The following UBAC2 variants were observed in gnomAD, a reference collection of about 807,000 sequenced individuals.
The protein encoded by UBAC2 is UBA domain containing 2.
In UBAC2, 26 loss-of-function variants were observed where a neutral mutation model predicts 44.0. That is an observed-to-expected ratio of 0.59 (90% CI 0.43 to 0.82). The LOEUF is 0.82. UBAC2 is among the 40% of genes least tolerant of loss of function. The pLI, the probability that UBAC2 is intolerant of heterozygous loss-of-function variation, is 0.00. For missense variants in UBAC2, 329 were observed against 419.4 expected (o/e 0.78, Z 1.88); for synonymous variants, 155 against 154.3 (o/e 1.00, Z -0.04).
At chr13:99,223,924 C>T (rs767997247) in intron 1 of UBAC2, among the ~76,000 whole-genome samples, 29 of 152,052 alleles carry the variant, frequency 1.9e-4, no homozygotes, top group Admixed American at 5.2e-4. Context: ...TTGGTGAATG[C>T]TCCATATGCA....
intron 4 of UBAC2, among the ~76,000 whole-genome samples, chr13:99,259,419 GT>G (rs2043623602): frequency 6.6e-6 from 1 of 151,082 alleles, no homozygotes; most frequent in East Asian, 1.9e-4. Flanking sequence ...CTTGCCTTTG[GT>G]GATAAAATAC....
chr13:99,267,799 AT>A, intron 4 of UBAC2, among the ~76,000 whole-genome samples: 1 of 152,342 alleles, frequency 6.6e-6, no homozygotes, highest in East Asian at 1.9e-4. Context: ...AGATTTGCAA[AT>A]TACAAAAACT....
intron 7 of UBAC2, among the ~76,000 whole-genome samples, chr13:99,341,346 G>A (rs2138833130): frequency 6.7e-6 from 1 of 149,994 alleles, no homozygotes; most frequent in South Asian, 2.1e-4. Context: ...ATCTCACGAT[G>A]GTTTGGAGAA....
intron 6 of UBAC2, among the ~76,000 whole-genome samples, chr13:99,335,559 TTTG>T (rs2044776408): frequency 6.6e-6 from 1 of 152,204 alleles, no homozygotes; most frequent in South Asian, 2.1e-4. Context: ...AGACTATTAT[TTTG>T]TTGTCTGAAA....
Position 99,339,471 on chromosome 13 carries a change from A to G in UBAC2, c.562-849A>G, listed in dbSNP as rs61970339. 5.9e-5 allele frequency among the ~76,000 whole-genome samples: 9 copies of G among 152,328 alleles called. No individual in the cohort carries two copies. In the East Asian group the frequency reaches 1.7e-3, roughly 29 times the overall value. Reference sequence around the variant, plus strand: ...CTTATCTTGTTCTTTGCTGTATTCTAAGTTCCCAGAACAGTGCCTGGTGTG... The same window carrying G: ...CTTATCTTGTTCTTTGCTGTATTCTGAGTTCCCAGAACAGTGCCTGGTGTG... On this transcript the variant is annotated intron_variant, in intron 6 of 8. Coordinates refer to ENST00000403766, the MANE Select transcript of UBAC2 (RefSeq NM_001144072.2).
At chr13:99,300,866 T>C (rs1029525535) in intron 4 of UBAC2, among the ~76,000 whole-genome samples, 1 of 152,230 alleles carries the variant, frequency 6.6e-6, no homozygotes, top group African/African-American at 2.4e-5. Context: ...AGTGTCAATA[T>C]TTGGATAGTA....
chr13:99,367,134 C>T (rs1218262389), intron 7 of UBAC2, among the ~76,000 whole-genome samples: 1 of 152,150 alleles, frequency 6.6e-6, no homozygotes, highest in Admixed American at 6.5e-5. Flanking sequence ...AACGGCATTG[C>T]TGTCAGTCTT....
chr13:99,254,507 TA>T (rs2043504818), intron 4 of UBAC2, among the ~76,000 whole-genome samples: 4 of 152,202 alleles, frequency 2.6e-5, no homozygotes. Flanking sequence ...GTATTGGATT[TA>T]TAATTCCATT....
chr13:99,382,620 T>C (rs968028748), intron 8 of UBAC2, among the ~76,000 whole-genome samples: 3 of 152,134 alleles, frequency 2.0e-5, no homozygotes, highest in African/African-American at 4.8e-5. Flanking sequence ...TGAAAGGAAC[T>C]GGATCCTGAA....
intron 1 of UBAC2, among the ~76,000 whole-genome samples, chr13:99,230,515 T>C (rs987368145): frequency 2.6e-5 from 4 of 152,046 alleles, no homozygotes; most frequent in Non-Finnish European, 5.9e-5. Flanking sequence ...TATCCTACAG[T>C]TTGGAGGCCA....
chr13:99,240,306 A>G (rs1433257988), intron 2 of UBAC2, among the ~76,000 whole-genome samples: 6 of 152,194 alleles, frequency 3.9e-5, no homozygotes, highest in East Asian at 1.9e-4. Flanking sequence ...CAGCTCTCAT[A>G]GTTTTGTGTC....
chr13:99,289,119 A>G (rs1426147952), intron 4 of UBAC2, among the ~76,000 whole-genome samples: 1 of 152,280 alleles, frequency 6.6e-6, no homozygotes, highest in Non-Finnish European at 1.5e-5. Context: ...ACAAAGTGGG[A>G]TGGAGCTGGG....
intron 7 of UBAC2, among the ~76,000 whole-genome samples, chr13:99,362,766 C>T (rs2045282645): frequency 1.3e-5 from 2 of 152,106 alleles, no homozygotes; most frequent in Non-Finnish European, 2.9e-5. Context: ...TATTAAGTCT[C>T]ATTGATTTGT....
chr13:99,362,037 G>A (rs1395732493), intron 7 of UBAC2, among the ~76,000 whole-genome samples: 4 of 152,056 alleles, frequency 2.6e-5, no homozygotes, highest in Admixed American at 1.3e-4. Flanking sequence ...ATATATACTC[G>A]TGTTCTGAGT....
At chr13:99,283,409 T>C (rs1253145700) in intron 4 of UBAC2, among the ~76,000 whole-genome samples, 1 of 151,380 alleles carries the variant, frequency 6.6e-6, no homozygotes, top group Non-Finnish European at 1.5e-5. Flanking sequence ...CATTTGGAGA[T>C]TTTTTTTTGA....
chr13:99,341,946 C>T (rs917421271), intron 7 of UBAC2, among the ~76,000 whole-genome samples: 1 of 152,128 alleles, frequency 6.6e-6, no homozygotes, highest in African/African-American at 2.4e-5. Context: ...ATCAAAAGAG[C>T]AGATTTGGGG....
At chr13:99,364,397 A>G (rs2045304341) in intron 7 of UBAC2, among the ~76,000 whole-genome samples, 1 of 149,912 alleles carries the variant, frequency 6.7e-6, no homozygotes, top group Non-Finnish European at 1.5e-5. Context: ...ACATTGTTGG[A>G]TTGAATTTGC....
At chr13:99,254,754 A>G in intron 4 of UBAC2, 1 of 723,584 alleles carries the variant, frequency 1.4e-6, no homozygotes, top group Non-Finnish European at 2.2e-6. Context: ...TTTTAAAATG[A>G]AGATAATGAA....
intron 1 of UBAC2, among the ~76,000 whole-genome samples, chr13:99,205,151 C>CT (rs2042854705): frequency 6.6e-6 from 1 of 152,192 alleles, no homozygotes. Context: ...ATCCGCCCGC[C>CT]TCGGCCTCCC....
Sources: gnomAD v4.1 joint callset for allele counts (sites outside exome capture counted in the v4.1 genomes callset) on GRCh38, gnomAD v4.1.1 for gene constraint, MANE v1.5 for transcripts, NCBI Gene and HGNC (gene_info 2026-07-23, HGNC 2026-07-21) for gene names.